The following FRYL variants were observed in gnomAD, a reference collection of about 807,000 sequenced individuals.
FRYL encodes the protein protein furry homolog-like.
In FRYL, 150 loss-of-function variants were observed where a neutral mutation model predicts 351.2. The ratio of observed to expected loss-of-function variants is 0.43; its 90% CI spans 0.37 to 0.49. The LOEUF is 0.49. Among genes scored for constraint, FRYL ranks in the 20% least tolerant of loss-of-function variants. FRYL has a pLI of 0.00. For missense variants in FRYL, 3,036 were observed against 3,619.3 expected (o/e 0.84, Z 4.13); for synonymous variants, 1,153 against 1,257.1 (o/e 0.92, Z 1.75).
intron 2 of FRYL, among the ~76,000 whole-genome samples, chr4:48,702,129 A>T (rs1766784044): frequency 6.6e-6 from 1 of 152,100 alleles, no homozygotes; most frequent in Admixed American, 6.5e-5. Context: ...CATACAATTC[A>T]ACGTATATCT....
chr4:48,564,116 G>A lies in FRYL; in HGVS notation c.3442-14C>T, dbSNP rs1351161437. The A allele has an allele frequency of 6.2e-7, 1 of 1,612,082 alleles. No individual in the cohort carries two copies. Among genetic ancestry groups the A allele is most frequent in the African/African-American group, 1.3e-5 (1 of 74,934 alleles). On this transcript the variant is annotated splice_polypyrimidine_tract_variant and intron_variant, in intron 30 of 63. Transcript: ENST00000358350. ...CAGCTGGTGAACCTAGGTAAAGGTT[G>A]TGAAATTGCCCGAGAGAGAACGTTA...
chr4:48,557,156 C>T (rs1420816791), intron 34 of FRYL, 38 bp from the exon 35 acceptor site: 1 of 1,549,632 alleles, frequency 6.5e-7, no homozygotes. Flanking sequence ...TCAGTCATGA[C>T]TGCCTATTAT....
intron 53 of FRYL, among the ~76,000 whole-genome samples, chr4:48,524,322 G>A (rs896158593): frequency 3.3e-5 from 5 of 151,938 alleles, no homozygotes; most frequent in Admixed American, 6.6e-5. Context: ...AATCTGTCCC[G>A]GCTGTTTCTG....
chr4:48,732,612 TCATGTCCTTTG>T (rs1343096527), intron 1 of FRYL, among the ~76,000 whole-genome samples: 2 of 152,116 alleles, frequency 1.3e-5, no homozygotes, highest in East Asian at 1.9e-4. Flanking sequence ...AAGGATGAGT[TCATGTCCTTTG>T]CAGGGACATG....
At chr4:48,717,128 G>T (rs1401449550) in intron 1 of FRYL, among the ~76,000 whole-genome samples, 1 of 119,716 alleles carries the variant, frequency 8.4e-6, no homozygotes, top group Non-Finnish European at 1.7e-5. Flanking sequence ...GTTGTGGGGT[G>T]GGGGGAGGGG....
intron 3 of FRYL, among the ~76,000 whole-genome samples, chr4:48,648,245 C>T (rs573798648): frequency 7.6e-4 from 115 of 152,254 alleles, no homozygotes; most frequent in Non-Finnish European, 1.4e-3. Flanking sequence ...CAATCACTGT[C>T]GCAAAGCCCA....
intron 3 of FRYL, chr4:48,680,930 C>G: frequency 8.4e-7 from 1 of 1,189,106 alleles, no homozygotes; most frequent in South Asian, 1.5e-5. Context: ...TTTACTTTAC[C>G]TAGTTGTTGG....
chr4:48,670,535 TCTAA>T (rs1762491990), intron 3 of FRYL, among the ~76,000 whole-genome samples: 2 of 151,946 alleles, frequency 1.3e-5, no homozygotes, highest in South Asian at 4.2e-4. Flanking sequence ...ATTCATTCTT[TCTAA>T]CTATTACTAT....
At chr4:48,524,016 ATGTTTCTGTTATTC>A (rs1016834033) in intron 53 of FRYL, among the ~76,000 whole-genome samples, 2 of 152,148 alleles carry the variant, frequency 1.3e-5, no homozygotes, top group Admixed American at 6.6e-5. Context: ...TATATAAGTT[ATGTTTCTGTTATTC>A]TAAGCTGCTC....
chr4:48,589,628 G>A, intron 18 of FRYL, 117 bp downstream of exon 18: 1 of 926,526 alleles, frequency 1.1e-6, no homozygotes, highest in South Asian at 1.6e-5. Context: ...GAAAACTGCA[G>A]CAGATAGAAA....
At chr4:48,769,988 T>C (rs1775349141) in intron 1 of FRYL, among the ~76,000 whole-genome samples, 1 of 152,184 alleles carries the variant, frequency 6.6e-6, no homozygotes, top group Non-Finnish European at 1.5e-5. Context: ...ATCTTGACTG[T>C]GGTGGTGGCA....
intron 33 of FRYL, among the ~76,000 whole-genome samples, chr4:48,560,772 T>C (rs911026354): frequency 6.6e-6 from 1 of 152,190 alleles, no homozygotes; most frequent in African/African-American, 2.4e-5. Flanking sequence ...ATTTAAGTTG[T>C]TGTTATTGCT....
intron 1 of FRYL, among the ~76,000 whole-genome samples, chr4:48,723,368 C>T (rs1769707820): frequency 2.0e-5 from 3 of 152,180 alleles, no homozygotes; most frequent in South Asian, 4.1e-4. Flanking sequence ...GTCTCGAATG[C>T]CTGGCCTCAA....
intron 16 of FRYL, among the ~76,000 whole-genome samples, chr4:48,592,537 C>T (rs912462308): frequency 1.3e-5 from 2 of 152,008 alleles, no homozygotes; most frequent in African/African-American, 4.8e-5. Flanking sequence ...AAAAAACTTA[C>T]TTTCAGAAAT....
At chr4:48,597,342 T>C (rs138522760) in intron 13 of FRYL, among the ~76,000 whole-genome samples, 1 of 152,334 alleles carries the variant, frequency 6.6e-6, no homozygotes, top group African/African-American at 2.4e-5. Flanking sequence ...CATGTCATTA[T>C]ACATTTGTCC....
intron 3 of FRYL, among the ~76,000 whole-genome samples, chr4:48,660,771 T>A (rs765320462): frequency 2.0e-5 from 3 of 152,190 alleles, no homozygotes; most frequent in Non-Finnish European, 4.4e-5. Flanking sequence ...TGGCACTTAA[T>A]CTGTATTCTT....
Position 48,500,046 on chromosome 4 carries a change from G to T in FRYL, c.8767C>A (p.Gln2923Lys), listed in dbSNP as rs1411060430. ...ACGTTTTACCTGAAAGCTTTGACTT[G>T]TGCTACAGCTGATATAAATTCTTTA... ...KNKEFISAVA[Q>K]VKAFRSLWPS... The change falls in exon 63 of 64, where the codon CAA becomes AAA. Residue 2923 changes from glutamine (Q) to lysine (K), a missense_variant. Around this residue, in one of 7 missense-constraint regions of FRYL, gnomAD observed 1,987 missense variants for 2,311.7 expected, o/e 0.86. Transcript: ENST00000358350. 1.3e-6 allele frequency: 2 copies of T among 1,591,770 alleles called. No homozygotes were observed. Among genetic ancestry groups the T allele is most frequent in the Non-Finnish European group, 1.7e-6 (2 of 1,173,218 alleles).
At position 48,673,511 on chromosome 4, in the gene FRYL, A is replaced by G. The variant is rs183727909; in HGVS notation, c.-81+11162T>C. ...CAAGTAGTCCTCCAGCCTCAATCTC[A>G]TAAGTAGCTGGGACTACCGGTGCAT... On this transcript the variant is annotated intron_variant, in intron 3 of 63. Transcript: ENST00000358350. Among the ~76,000 whole-genome samples, 181 of 152,168 alleles carry G rather than the reference A, an allele frequency of 1.2e-3. 1 individual carries two copies. Among genetic ancestry groups the G allele is most frequent in the African/African-American group, 4.1e-3 (170 of 41,542 alleles).
At chr4:48,529,145 T>C (rs914188061) in intron 50 of FRYL, among the ~76,000 whole-genome samples, 31 of 152,210 alleles carry the variant, frequency 2.0e-4, no homozygotes, top group African/African-American at 7.0e-4. Flanking sequence ...TTGCATGGAA[T>C]ATCCACTAAG....
Sources: allele counts gnomAD v4.1 joint callset (sites outside exome capture counted in the v4.1 genomes callset), GRCh38; gene constraint gnomAD v4.1.1; regional missense constraint gnomAD v4.1.1; transcripts MANE v1.5; gene names NCBI Gene and HGNC (gene_info 2026-07-23, HGNC 2026-07-21).